The following KDM4C variants were observed in gnomAD, a reference collection of about 807,000 sequenced individuals.
The protein encoded by KDM4C is lysine-specific demethylase 4C.
In KDM4C, 81 loss-of-function variants were observed where a neutral mutation model predicts 129.3. That is an observed-to-expected ratio of 0.63 (90% CI 0.52 to 0.75). The LOEUF is 0.75. KDM4C is among the 30% of genes least tolerant of loss of function. The pLI, the probability that KDM4C is intolerant of heterozygous loss-of-function variation, is 0.00. For synonymous variants in KDM4C, 573 were observed against 456.1 expected, an observed-to-expected ratio of 1.26 and a Z score of -3.26; for missense variants, 1,457 against 1,304.0, an observed-to-expected ratio of 1.12 and a Z score of -1.81.
chr9:7,026,046 A>C (rs897086797), intron 15 of KDM4C, among the ~76,000 whole-genome samples: 2 of 152,026 alleles, frequency 1.3e-5, no homozygotes, highest in Non-Finnish European at 2.9e-5. Context: ...CTGTACTAAA[A>C]ATATAAAAAA....
At chr9:6,991,784 C>A (rs188207301) in intron 12 of KDM4C, among the ~76,000 whole-genome samples, 2 of 152,180 alleles carry the variant, frequency 1.3e-5, no homozygotes, top group Non-Finnish European at 2.9e-5. Flanking sequence ...TCCTGCAGTC[C>A]CAGCTGCCTG....
chr9:6,759,590 A>G (rs1818974451), intron 1 of KDM4C, among the ~76,000 whole-genome samples: 1 of 152,184 alleles, frequency 6.6e-6, no homozygotes, highest in South Asian at 2.1e-4. Flanking sequence ...CAAACTTGGT[A>G]ATACAGTACA....
At chr9:6,883,384 C>A (rs1421497127) in intron 6 of KDM4C, among the ~76,000 whole-genome samples, 1 of 152,102 alleles carries the variant, frequency 6.6e-6, no homozygotes, top group Non-Finnish European at 1.5e-5. Flanking sequence ...CTAACTCATG[C>A]CTTAGGCATG....
At chr9:7,108,143 G>T (rs1262717787) in intron 18 of KDM4C, among the ~76,000 whole-genome samples, 1 of 152,104 alleles carries the variant, frequency 6.6e-6, no homozygotes, top group Non-Finnish European at 1.5e-5. Context: ...CTAGGATCTT[G>T]TTATTCCACC....
At chr9:6,867,291 G>T (rs1773573148) in intron 5 of KDM4C, among the ~76,000 whole-genome samples, 1 of 152,158 alleles carries the variant, frequency 6.6e-6, no homozygotes, top group South Asian at 2.1e-4. Context: ...TGGGATTACA[G>T]GCGTGAGCCG....
intron 18 of KDM4C, among the ~76,000 whole-genome samples, chr9:7,118,137 G>T (rs1257938983): frequency 6.6e-6 from 1 of 152,182 alleles, no homozygotes; most frequent in African/African-American, 2.4e-5. Context: ...TTTTTTCTCA[G>T]CATCTAATGC....
At chr9:6,747,261 T>C (rs1817914099) in intron 1 of KDM4C, among the ~76,000 whole-genome samples, 1 of 150,916 alleles carries the variant, frequency 6.6e-6, no homozygotes, top group Non-Finnish European at 1.5e-5. Flanking sequence ...CACAAGAATA[T>C]AGATGGCCGG....
intron 1 of KDM4C, among the ~76,000 whole-genome samples, chr9:6,782,718 A>G (rs964754696): frequency 1.8e-4 from 28 of 152,196 alleles, no homozygotes; most frequent in African/African-American, 6.5e-4. Flanking sequence ...TCATGGCTCC[A>G]TACTGGAACG....
chr9:6,874,572 CTT>C (rs201979776), intron 5 of KDM4C, among the ~76,000 whole-genome samples: 1 of 152,230 alleles, frequency 6.6e-6, no homozygotes, highest in South Asian at 2.1e-4. Flanking sequence ...AATTAGATGA[CTT>C]TTTTTGTGGC....
chr9:7,160,725 C>G (rs1843695667), intron 19 of KDM4C, among the ~76,000 whole-genome samples: 1 of 152,136 alleles, frequency 6.6e-6, no homozygotes, highest in Admixed American at 6.5e-5. Flanking sequence ...GGGGAGCCAC[C>G]TATATGAGGT....
chr9:7,075,149 T>G (rs1271301592), intron 17 of KDM4C, among the ~76,000 whole-genome samples: 16 of 152,208 alleles, frequency 1.1e-4, no homozygotes, highest in Non-Finnish European at 2.9e-5. Context: ...CAGACAATTC[T>G]GCAGTCAGGT....
At chr9:6,948,831 CAGA>C (rs1326531203) in intron 8 of KDM4C, among the ~76,000 whole-genome samples, 1 of 152,162 alleles carries the variant, frequency 6.6e-6, no homozygotes, top group Non-Finnish European at 1.5e-5. Flanking sequence ...GATCCCAAGG[CAGA>C]AGAATTTTTC....
chr9:7,068,984 A>C (rs1301003622), intron 17 of KDM4C, among the ~76,000 whole-genome samples: 3 of 151,900 alleles, frequency 2.0e-5, no homozygotes, highest in African/African-American at 7.3e-5. Flanking sequence ...GGCGTGAGCC[A>C]CCGCGCCTGG....
At chr9:7,023,761 C>A (rs1043623628) in intron 15 of KDM4C, among the ~76,000 whole-genome samples, 2 of 151,976 alleles carry the variant, frequency 1.3e-5, no homozygotes, top group South Asian at 2.1e-4. Context: ...TTTATATAAG[C>A]ACTTACAGCT....
At chr9:6,898,484 G>A (rs954130868) in intron 8 of KDM4C, among the ~76,000 whole-genome samples, 13 of 152,150 alleles carry the variant, frequency 8.5e-5, no homozygotes, top group Middle Eastern at 3.2e-3. Context: ...TTAATTTTAA[G>A]TGATCATATT....
At position 7,039,786 on chromosome 9, in the gene KDM4C, T is replaced by C. The variant is rs779762389; in HGVS notation, c.2260-7076T>C. ...GGTCTTCATCCTTGTTATCTTCATG[T>C]TGAGTAGGCTGAAAAGGAAGAGGAT... is the stretch of plus-strand genomic sequence containing the variant. On this transcript the variant is annotated intron_variant, in intron 15 of 21. Transcript: ENST00000381309. Among the ~76,000 whole-genome samples, 17 of 152,098 alleles carry C rather than the reference T, an allele frequency of 1.1e-4. 1 individual carries two copies. Among genetic ancestry groups the C allele is most frequent in the Non-Finnish European group, 2.2e-4 (15 of 67,998 alleles).
chr9:6,971,689 A>G (rs10815497), intron 8 of KDM4C, among the ~76,000 whole-genome samples: 48,590 of 152,076 alleles, frequency 0.32, 8,744 homozygotes, highest in East Asian at 0.71. Context: ...CTTAATATTT[A>G]TGACATGTTT....
intron 5 of KDM4C, among the ~76,000 whole-genome samples, chr9:6,865,554 C>T (rs1171781042): frequency 6.6e-6 from 1 of 151,938 alleles, no homozygotes; most frequent in Non-Finnish European, 1.5e-5. Flanking sequence ...TTATTTATCT[C>T]AGTCTTCTCT....
upstream of KDM4C, among the ~76,000 whole-genome samples, chr9:6,755,770 AGGTATTTTGATAC>A (rs1818230557): frequency 6.6e-6 from 1 of 152,170 alleles, no homozygotes; most frequent in African/African-American, 2.4e-5. Flanking sequence ...CATAATATGG[AGGTATTTTGATAC>A]ATTAGGGACA....
Sources: gnomAD v4.1 joint callset for allele counts (sites outside exome capture counted in the v4.1 genomes callset) on GRCh38, gnomAD v4.1.1 for gene constraint, MANE v1.5 for transcripts, NCBI Gene and HGNC (gene_info 2026-07-23, HGNC 2026-07-21) for gene names.